The following SEMA3A variants were observed in gnomAD, a reference collection of about 807,000 sequenced individuals.
SEMA3A encodes semaphorin-3A.
A neutral mutation model predicts 97.9 loss-of-function variants in SEMA3A; 29 were observed. The observed-to-expected ratio is 0.30, with a 90% CI of 0.22 to 0.40. The LOEUF (loss-of-function observed/expected upper bound fraction) is 0.40, where lower values mean the gene tolerates loss of function less well. Among genes scored for constraint, SEMA3A ranks in the 10% least tolerant of loss-of-function variants. The probability of loss-of-function intolerance (pLI) is 1.00; values close to 1 mark genes in which losing one functional copy is unlikely to be tolerated. For synonymous variants in SEMA3A, 321 were observed against 323.7 expected, an observed-to-expected ratio of 0.99 and a Z score of 0.09; for missense variants, 763 against 951.3, an observed-to-expected ratio of 0.80 and a Z score of 2.60.
At chr7:84,312,915 T>TACAC (rs1186737768) in intron 2 of SEMA3A, among the ~76,000 whole-genome samples, 214 of 43,460 alleles carry the variant, frequency 4.9e-3, no homozygotes, top group Middle Eastern at 0.014. Context: ...TATATATATA[T>TACAC]ATATATACAC....
chr7:84,400,614 G>A (rs1366594839), intron 1 of SEMA3A, among the ~76,000 whole-genome samples: 1 of 152,014 alleles, frequency 6.6e-6, no homozygotes, highest in Non-Finnish European at 1.5e-5. Context: ...AAAGAGTGAA[G>A]AATGTTTCCA....
At chr7:84,370,856 T>C (rs1802956110) in intron 2 of SEMA3A, among the ~76,000 whole-genome samples, 1 of 151,374 alleles carries the variant, frequency 6.6e-6, no homozygotes, top group Non-Finnish European at 1.5e-5. Context: ...AAAAAAAGAT[T>C]CTCAGTTCCC....
chr7:84,088,420 C>T (rs934595525), intron 4 of SEMA3A, among the ~76,000 whole-genome samples: 1 of 151,738 alleles, frequency 6.6e-6, no homozygotes, highest in African/African-American at 2.4e-5. Context: ...CACCACTGCA[C>T]TCCAGCCTGG....
In SEMA3A at chr7:84,110,499, T is replaced by C; in HGVS notation, c.424A>G (p.Thr142Ala). 5 of 1,613,900 alleles carry C rather than the reference T, an allele frequency of 3.1e-6. No homozygotes were observed. The highest frequency in any genetic ancestry group is 4.2e-6 in the Non-Finnish European group (5 of 1,179,904). ...CGTGAFHPIC[T>A]YIEIGHHPED... ...GGATGATGTCCAATTTCAATGTAGG[T>C]GCAAATTGGATGAAAAGCCCCCGTT... The change falls in exon 4 of 17, where the codon ACC becomes GCC. Residue 142 changes from threonine to alanine, a missense_variant. Coordinates refer to ENST00000265362, the MANE Select transcript of SEMA3A (RefSeq NM_006080.3).
chr7:84,211,580 C>T (rs887252873), intron 3 of SEMA3A, among the ~76,000 whole-genome samples: 1 of 151,670 alleles, frequency 6.6e-6, no homozygotes, highest in Non-Finnish European at 1.5e-5. Flanking sequence ...TGGGACTGCA[C>T]CATTGCACTG....
chr7:84,384,376 T>C (rs1309218328), intron 1 of SEMA3A, among the ~76,000 whole-genome samples: 1 of 152,166 alleles, frequency 6.6e-6, no homozygotes, highest in African/African-American at 2.4e-5. Context: ...GAAATAAACA[T>C]ATAAATCTGT....
At chr7:84,416,687 T>C (rs1375630277) in intron 1 of SEMA3A, among the ~76,000 whole-genome samples, 1 of 152,146 alleles carries the variant, frequency 6.6e-6, no homozygotes, top group Non-Finnish European at 1.5e-5. Flanking sequence ...TTGACTTAAG[T>C]GAATAAAGGT....
At chr7:84,305,711 T>G (rs919593713) in intron 3 of SEMA3A, among the ~76,000 whole-genome samples, 22 of 152,010 alleles carry the variant, frequency 1.4e-4, no homozygotes, top group Non-Finnish European at 1.9e-4. Context: ...AGGAAATTTG[T>G]CTCATGAATC....
chr7:84,299,410 G>C (rs931844944), intron 3 of SEMA3A, among the ~76,000 whole-genome samples: 4 of 143,560 alleles, frequency 2.8e-5, no homozygotes, highest in Non-Finnish European at 4.5e-5. Flanking sequence ...CTAGTTCTGT[G>C]CCTCTAGAGA....
intron 1 of SEMA3A, among the ~76,000 whole-genome samples, chr7:84,394,397 T>C (rs1219292644): frequency 2.0e-5 from 3 of 152,148 alleles, no homozygotes; most frequent in South Asian, 2.1e-4. Context: ...GAGAGATTTT[T>C]ATGTAGAATC....
At chr7:84,462,699 T>C (rs1488475773) in intron 1 of SEMA3A, among the ~76,000 whole-genome samples, 1 of 152,136 alleles carries the variant, frequency 6.6e-6, no homozygotes, top group African/African-American at 2.4e-5. Flanking sequence ...CCTACTCTAG[T>C]AGAAAAGTTC....
At chr7:84,195,724 G>A (rs2116283069), upstream of SEMA3A, among the ~76,000 whole-genome samples, 1 of 152,226 alleles carries the variant, frequency 6.6e-6, no homozygotes, top group South Asian at 2.1e-4. Context: ...GAATGCTCTG[G>A]CTAACATTTT....
At chr7:84,253,153 C>T (rs138212126) in intron 3 of SEMA3A, among the ~76,000 whole-genome samples, 88 of 152,258 alleles carry the variant, frequency 5.8e-4, no homozygotes, top group African/African-American at 2.0e-3. Context: ...GCAGAGATTA[C>T]GGGCATGAGC....
At chr7:84,480,081 A>T (rs1399068962) in intron 1 of SEMA3A, among the ~76,000 whole-genome samples, 1 of 152,248 alleles carries the variant, frequency 6.6e-6, no homozygotes. Context: ...TAGATAAAGA[A>T]GTTTACTAAA....
At chr7:84,431,062 A>C (rs2527525) in intron 1 of SEMA3A, among the ~76,000 whole-genome samples, 21,431 of 151,936 alleles carry the variant, frequency 0.14, 3,095 homozygotes, top group African/African-American at 0.36. Flanking sequence ...TAGATATTCA[A>C]ATATAGTCCT....
intron 1 of SEMA3A, among the ~76,000 whole-genome samples, chr7:84,376,109 G>A (rs1189994267): frequency 6.6e-6 from 1 of 152,126 alleles, no homozygotes; most frequent in Non-Finnish European, 1.5e-5. Context: ...ATGAACGCTT[G>A]GGCTGATTCC....
intron 1 of SEMA3A, among the ~76,000 whole-genome samples, chr7:84,450,920 T>C (rs982845334): frequency 5.3e-5 from 8 of 152,136 alleles, no homozygotes; most frequent in Non-Finnish European, 8.8e-5. Context: ...CCTTAGCAAA[T>C]ATATAGTCTG....
At chr7:84,349,163 AT>A (rs1391634827) in intron 2 of SEMA3A, among the ~76,000 whole-genome samples, 1 of 152,058 alleles carries the variant, frequency 6.6e-6, no homozygotes, top group Non-Finnish European at 1.5e-5. Flanking sequence ...TGATCTATTC[AT>A]TTTTTGTCTG....
At chr7:84,238,504 T>C (rs1799286821) in intron 3 of SEMA3A, among the ~76,000 whole-genome samples, 2 of 152,124 alleles carry the variant, frequency 1.3e-5, no homozygotes, top group Admixed American at 6.6e-5. Context: ...AAGAATGGAG[T>C]GAGGAGAAAT....
Sources: gnomAD v4.1 joint callset for allele counts (sites outside exome capture counted in the v4.1 genomes callset) on GRCh38, gnomAD v4.1.1 for gene constraint, MANE v1.5 for transcripts, NCBI Gene and HGNC (gene_info 2026-07-23, HGNC 2026-07-21) for gene names.